DPP10: variants seen among roughly 807,000 people sequenced by gnomAD.
DPP10 encodes the protein dipeptidyl peptidase like 10, also known as inactive dipeptidyl peptidase 10.
A neutral mutation model predicts 120.9 loss-of-function variants in DPP10; 33 were observed. That is an observed-to-expected ratio of 0.27 (90% CI 0.21 to 0.37). DPP10 has a LOEUF of 0.37. DPP10 is among the 10% of genes least tolerant of loss of function. The probability of loss-of-function intolerance (pLI) is 1.00; values close to 1 mark genes in which losing one functional copy is unlikely to be tolerated. For missense variants in DPP10, 816 were observed against 942.8 expected, an observed-to-expected ratio of 0.87 and a Z score of 1.76; for synonymous variants, 337 against 326.1, an observed-to-expected ratio of 1.03 and a Z score of -0.36.
chr2:114,639,105 T>C (rs866510685), intron 1 of DPP10, among the ~76,000 whole-genome samples: 1 of 151,874 alleles, frequency 6.6e-6, no homozygotes, highest in East Asian at 1.9e-4. Context: ...AATAAAGACA[T>C]ACATAAGACT....
intron 3 of DPP10, chr2:115,468,651 T>A: frequency 2.7e-6 from 1 of 366,856 alleles, no homozygotes; most frequent in Non-Finnish European, 5.4e-6. Context: ...GCCTGATCTC[T>A]ACTTCTACAG....
At chr2:114,941,786 G>A (rs1696920312) in intron 1 of DPP10, among the ~76,000 whole-genome samples, 1 of 152,118 alleles carries the variant, frequency 6.6e-6, no homozygotes, top group Non-Finnish European at 1.5e-5. Flanking sequence ...ATTCCTAGTT[G>A]CTATTATGAG....
At chr2:115,581,844 AC>A (rs1319564965) in intron 5 of DPP10, among the ~76,000 whole-genome samples, 1 of 152,104 alleles carries the variant, frequency 6.6e-6, no homozygotes, top group African/African-American at 2.4e-5. Context: ...CATTGTGTTC[AC>A]CACAAATTAC....
intron 3 of DPP10, among the ~76,000 whole-genome samples, chr2:115,497,502 C>G (rs917070767): frequency 6.6e-6 from 1 of 152,010 alleles, no homozygotes; most frequent in Non-Finnish European, 1.5e-5. Context: ...TTGTTTTGCT[C>G]TATTTATCTC....
rs368116225 is a variant in DPP10 at position 114,477,908 on chromosome 2, TAC to T, written c.60+35072_60+35073del. Reference sequence around the variant, plus strand: ...ATATATGTACATATGTGTATATATGTACATATATGTGTATATATGTACATATG... The same window carrying T: ...ATATATGTACATATGTGTATATATGTATATATGTGTATATATGTACATATG... On this transcript the variant is annotated intron_variant, in intron 1 of 25. Transcript: ENST00000410059. Among the ~76,000 whole-genome samples, 25 of 150,820 alleles carry T rather than the reference TAC, an allele frequency of 1.7e-4. No individual in the cohort carries two copies. In the East Asian group the frequency reaches 4.6e-3, roughly 28 times the overall value.
chr2:115,343,075 G>T (rs1460645738), intron 2 of DPP10, among the ~76,000 whole-genome samples: 3 of 152,154 alleles, frequency 2.0e-5, no homozygotes, highest in African/African-American at 7.2e-5. Flanking sequence ...ATTTTGCAAA[G>T]AAAATGCAAT....
chr2:114,910,705 A>G lies in DPP10; in HGVS notation c.61-398534A>G, dbSNP rs546299938. On this transcript the variant is annotated intron_variant, in intron 1 of 25. Transcript: ENST00000410059. ...TTGAAAATTCCCAAAAGTTTTGTGC[A>G]TAAGAAATCTGGAGCAACGATCTTT... 4.5e-4 allele frequency among the ~76,000 whole-genome samples: 69 copies of G among 152,258 alleles called. 1 individual carries two copies. Among genetic ancestry groups the G allele is most frequent in the African/African-American group, 1.6e-3 (68 of 41,574 alleles).
chr2:114,499,352 C>T (rs1682953762), intron 1 of DPP10, among the ~76,000 whole-genome samples: 1 of 151,886 alleles, frequency 6.6e-6, no homozygotes, highest in Admixed American at 6.6e-5. Context: ...GCATTTTTCT[C>T]CCTTCCTCTC....
intron 5 of DPP10, among the ~76,000 whole-genome samples, chr2:115,633,677 A>C (rs995864507): frequency 1.3e-5 from 2 of 152,052 alleles, no homozygotes; most frequent in Non-Finnish European, 2.9e-5. Context: ...GCTTCCCTTT[A>C]TAGGTGACCT....
intron 1 of DPP10, among the ~76,000 whole-genome samples, chr2:115,267,778 T>C (rs946212040): frequency 2.0e-5 from 3 of 152,182 alleles, no homozygotes; most frequent in Admixed American, 1.3e-4. Flanking sequence ...TCACGATGGC[T>C]CCCAAAGCTT....
chr2:115,593,578 TAA>T (rs71394152), intron 5 of DPP10, among the ~76,000 whole-genome samples: 2 of 151,360 alleles, frequency 1.3e-5, no homozygotes, highest in African/African-American at 4.9e-5. Context: ...AAATGGGAAA[TAA>T]AAAAATGTTA....
intron 1 of DPP10, among the ~76,000 whole-genome samples, chr2:114,957,000 A>AAAG (rs1479319375): frequency 2.6e-4 from 39 of 151,486 alleles, no homozygotes; most frequent in South Asian, 6.2e-4. Flanking sequence ...AAAAAAAAAA[A>AAAG]AGAGAAAACT....
At chr2:115,724,236 C>T (rs757112823) in intron 7 of DPP10, among the ~76,000 whole-genome samples, 2 of 152,148 alleles carry the variant, frequency 1.3e-5, no homozygotes, top group African/African-American at 2.4e-5. Context: ...ATGTTCATCA[C>T]AAGTTGTATG....
intron 1 of DPP10, among the ~76,000 whole-genome samples, chr2:115,116,374 A>G (rs1168449507): frequency 1.3e-5 from 2 of 152,176 alleles, no homozygotes; most frequent in Non-Finnish European, 2.9e-5. Context: ...CTATATTTTC[A>G]TCTATAACCT....
intron 1 of DPP10, among the ~76,000 whole-genome samples, chr2:114,930,421 A>G (rs1367123584): frequency 6.6e-6 from 1 of 152,196 alleles, no homozygotes; most frequent in Non-Finnish European, 1.5e-5. Context: ...TCTCTCAGAT[A>G]CCTTAGAACA....
chr2:115,156,283 A>C (rs1419743774), intron 1 of DPP10, among the ~76,000 whole-genome samples: 1 of 152,200 alleles, frequency 6.6e-6, no homozygotes, highest in African/African-American at 2.4e-5. Context: ...TTCCTTTGGC[A>C]ATAGTGGAAG....
chr2:115,161,443 G>C (rs894097283), intron 1 of DPP10: 1 of 151,858 alleles, frequency 6.6e-6, no homozygotes, highest in African/African-American at 2.4e-5. Flanking sequence ...GGCCGTGGGC[G>C]CGCGGGTTGG....
chr2:114,905,578 G>A (rs1295666068), intron 1 of DPP10, among the ~76,000 whole-genome samples: 2 of 152,046 alleles, frequency 1.3e-5, no homozygotes. Context: ...TCATCACCCA[G>A]GTTTTTAGCC....
intron 3 of DPP10, among the ~76,000 whole-genome samples, chr2:115,432,590 T>C (rs1204837662): frequency 1.3e-5 from 2 of 151,848 alleles, no homozygotes; most frequent in Non-Finnish European, 2.9e-5. Flanking sequence ...TAATTCAAGT[T>C]CAATTTTGTT....
Sources: gnomAD v4.1 joint callset for allele counts (sites outside exome capture counted in the v4.1 genomes callset) on GRCh38, gnomAD v4.1.1 for gene constraint, MANE v1.5 for transcripts, NCBI Gene and HGNC (gene_info 2026-07-23, HGNC 2026-07-21) for gene names.